TBCK: variants seen among roughly 807,000 people sequenced by gnomAD.
The protein encoded by TBCK is TBC1 domain containing kinase.
TBCK carries 99 observed loss-of-function variants against 113.4 expected under a neutral mutation model. The ratio of observed to expected loss-of-function variants is 0.87; its 90% CI spans 0.74 to 1.03. The LOEUF is 1.03. TBCK is among the 50% of genes least tolerant of loss of function. TBCK has a pLI of 0.00. For synonymous variants in TBCK, 369 were observed against 370.8 expected, an observed-to-expected ratio of 1.00 and a Z score of 0.05; for missense variants, 1,045 against 1,061.3, an observed-to-expected ratio of 0.98 and a Z score of 0.21.
At chr4:106,057,903 T>A (rs532635717) in intron 25 of TBCK, among the ~76,000 whole-genome samples, 1 of 151,882 alleles carries the variant, frequency 6.6e-6, no homozygotes. Context: ...CTTTTTCATT[T>A]CTCTTGCCTC....
chr4:106,181,190 C>A (rs957073410), intron 22 of TBCK, among the ~76,000 whole-genome samples: 1 of 152,012 alleles, frequency 6.6e-6, no homozygotes, highest in Non-Finnish European at 1.5e-5. Context: ...CTGTTCATAT[C>A]CTTTGCCCAT....
At chr4:106,054,735 G>C (rs931323570) in intron 25 of TBCK, among the ~76,000 whole-genome samples, 4 of 151,650 alleles carry the variant, frequency 2.6e-5, no homozygotes, top group Non-Finnish European at 4.4e-5. Flanking sequence ...TCTACTGTGT[G>C]TCAGGCACTA....
chr4:106,073,386 T>C (rs929057595), intron 25 of TBCK, among the ~76,000 whole-genome samples: 2 of 152,144 alleles, frequency 1.3e-5, no homozygotes, highest in Admixed American at 6.5e-5. Flanking sequence ...TTTGCCAGAG[T>C]TCCACTCCAG....
intron 20 of TBCK, among the ~76,000 whole-genome samples, chr4:106,197,176 G>A (rs1002931800): frequency 6.6e-6 from 1 of 152,046 alleles, no homozygotes; most frequent in Admixed American, 6.6e-5. Flanking sequence ...AAAGAGCTTG[G>A]TGGTTGTCCT....
intron 1 of TBCK, chr4:106,309,794 C>A (rs1767993706): frequency 6.6e-6 from 1 of 152,124 alleles, no homozygotes; most frequent in Non-Finnish European, 1.5e-5. Context: ...AACCAATTTT[C>A]ATTTTTATGC....
intron 25 of TBCK, among the ~76,000 whole-genome samples, chr4:106,080,806 G>A (rs1738763171): frequency 6.6e-6 from 1 of 151,622 alleles, no homozygotes. Context: ...GAGACTATAA[G>A]GAACTTAAAA....
chr4:106,251,897 G>A lies in TBCK; in HGVS notation c.566C>T (p.Ser189Phe). Residue 189 changes from serine (S) to phenylalanine (F), a missense_variant, in exon 6 of 26, where the codon TCT becomes TTT. Transcript: ENST00000394708. The part of the protein sequence containing the change: ...LPSGPKSDVW[S>F]LGIILFELCV... ...AAGCTCAAATAAAATGATTCCAAGA[G>A]ACCATACATCTGATTTGGGGCCAGA... 1.2e-6 allele frequency: 2 copies of A among 1,608,194 alleles called. No individual in the cohort carries two copies. The highest frequency in any genetic ancestry group is 1.7e-6 in the Non-Finnish European group (2 of 1,176,584).
intron 25 of TBCK, among the ~76,000 whole-genome samples, chr4:106,066,345 T>C (rs985284980): frequency 9.2e-5 from 14 of 151,878 alleles, no homozygotes; most frequent in African/African-American, 3.4e-4. Flanking sequence ...TTTCCGAAGA[T>C]TCACTTAAAA....
chr4:106,081,517 TGGG>T (rs953856163), intron 25 of TBCK, among the ~76,000 whole-genome samples: 3 of 152,030 alleles, frequency 2.0e-5, no homozygotes, highest in African/African-American at 7.2e-5. Context: ...TGGGGCCTGT[TGGG>T]GGAGCTGGGG....
chr4:106,194,690 C>CA, intron 21 of TBCK, 28 bp downstream of exon 21: 2 of 1,583,030 alleles, frequency 1.3e-6, no homozygotes, highest in Non-Finnish European at 1.7e-6. Context: ...AATACAATAT[C>CA]AAAAAAACCG....
At chr4:106,299,930 G>A (rs1416331425) in intron 2 of TBCK, among the ~76,000 whole-genome samples, 7 of 152,216 alleles carry the variant, frequency 4.6e-5, no homozygotes. Context: ...AGCCTGAACT[G>A]TGTGTTTTAG....
intron 25 of TBCK, among the ~76,000 whole-genome samples, chr4:106,072,643 G>A (rs537507204): frequency 1.3e-5 from 2 of 152,290 alleles, no homozygotes; most frequent in African/African-American, 4.8e-5. Flanking sequence ...ATGTTGGCCT[G>A]CCTTGCTAGG....
chr4:106,168,366 C>T (rs1363651616), intron 23 of TBCK, among the ~76,000 whole-genome samples: 2 of 151,804 alleles, frequency 1.3e-5, no homozygotes, highest in Non-Finnish European at 3.0e-5. Flanking sequence ...AAAACATCTA[C>T]AAAAACCTAC....
intron 24 of TBCK, among the ~76,000 whole-genome samples, chr4:106,110,220 T>C (rs1333129995): frequency 1.3e-5 from 2 of 152,212 alleles, no homozygotes; most frequent in African/African-American, 2.4e-5. Flanking sequence ...GTCTGGTCCC[T>C]TAGCCTACTC....
intron 23 of TBCK, among the ~76,000 whole-genome samples, chr4:106,118,827 G>T (rs1451339238): frequency 6.6e-6 from 1 of 152,142 alleles, no homozygotes. Context: ...TCATATGGGA[G>T]GAGTTTTTCA....
At chr4:106,133,946 G>A (rs1343093907) in intron 23 of TBCK, among the ~76,000 whole-genome samples, 1 of 152,050 alleles carries the variant, frequency 6.6e-6, no homozygotes, top group Non-Finnish European at 1.5e-5. Flanking sequence ...GGAGGTGGAG[G>A]CTGCAGTGAA....
chr4:106,171,940 C>A (rs556849661), intron 22 of TBCK, among the ~76,000 whole-genome samples: 1 of 152,170 alleles, frequency 6.6e-6, no homozygotes, highest in South Asian at 2.1e-4. Context: ...AAGCAATTCT[C>A]GTGCCTCAGC....
At chr4:106,108,334 T>A (rs1294292287) in intron 24 of TBCK, among the ~76,000 whole-genome samples, 2 of 149,920 alleles carry the variant, frequency 1.3e-5, no homozygotes, top group African/African-American at 5.1e-5. Flanking sequence ...ATATCCTTGA[T>A]GAATGTCGAT....
At position 106,044,943 on chromosome 4, in the gene TBCK, GATGA is replaced by G. The variant is rs1266312787; in HGVS notation, c.*1623_*1626del. On this transcript the variant is annotated 3_prime_UTR_variant, in exon 26 of 26. Coordinates refer to ENST00000394708, the MANE Select transcript of TBCK (RefSeq NM_001163435.3). The stretch of plus-strand genomic sequence containing the variant: ...ACATTGGAGTGGAATGTAAGTTATA[GATGA>G]ATGAACACTTTTTAGTTAAAACAAA... 2 of 152,000 alleles carry G rather than the reference GATGA, an allele frequency of 1.3e-5. No homozygotes were observed. The highest frequency in any genetic ancestry group is 2.9e-5 in the Non-Finnish European group (2 of 68,024). The allele number at this position is 152,000 out of a possible 1,614,324, so 9.4% of individuals were successfully genotyped here.
Sources: gnomAD v4.1 joint callset for allele counts (sites outside exome capture counted in the v4.1 genomes callset) on GRCh38, gnomAD v4.1.1 for gene constraint, MANE v1.5 for transcripts, NCBI Gene and HGNC (gene_info 2026-07-23, HGNC 2026-07-21) for gene names.